The following PLCE1 variants were observed in gnomAD, a reference collection of about 807,000 sequenced individuals.
PLCE1 encodes the protein phospholipase C epsilon 1, also known as 1-phosphatidylinositol 4,5-bisphosphate phosphodiesterase epsilon-1.
A neutral mutation model predicts 242.8 loss-of-function variants in PLCE1; 119 were observed. The observed-to-expected ratio is 0.49, with a 90% CI of 0.42 to 0.57. The LOEUF is 0.57. Ranked by LOEUF, PLCE1 falls within the 20% of genes least tolerant of loss-of-function variation. The pLI is 0.00. For missense variants in PLCE1, 2,441 were observed against 2,788.8 expected, an observed-to-expected ratio of 0.88 and a Z score of 2.81; for synonymous variants, 945 against 1,017.4, an observed-to-expected ratio of 0.93 and a Z score of 1.35.
intron 1 of PLCE1, among the ~76,000 whole-genome samples, chr10:93,996,071 C>G (rs993349050): frequency 1.3e-5 from 2 of 152,282 alleles, no homozygotes; most frequent in Middle Eastern, 6.8e-3. Context: ...GTTTCCCATG[C>G]CTGGGCAAGA....
At chr10:94,259,240 C>G in intron 13 of PLCE1, 90 bp downstream of exon 13, 1 of 1,310,332 alleles carries the variant, frequency 7.6e-7, no homozygotes, top group Non-Finnish European at 1.1e-6. Flanking sequence ...TGAGCCTGTC[C>G]CACATAGTGT....
chr10:94,196,216 A>G (rs946991987), intron 4 of PLCE1, among the ~76,000 whole-genome samples: 2 of 152,176 alleles, frequency 1.3e-5, no homozygotes, highest in Non-Finnish European at 2.9e-5. Flanking sequence ...CCTCCTTGCT[A>G]TACACCTTCA....
In PLCE1 at chr10:94,284,728, T is replaced by C. The variant is rs991161272; in HGVS notation, c.4918-120T>C. On this transcript the variant is annotated intron_variant, in intron 21 of 32. Coordinates refer to ENST00000371380, the MANE Select transcript of PLCE1 (RefSeq NM_016341.4). ...CTGTTGGGACATGTATATGGATAAT[T>C]ACCATGCAAGGGGAAATACAGTAAT... 24 of 714,274 alleles carry C rather than the reference T, an allele frequency of 3.4e-5. No individual in the cohort carries two copies. In the African/African-American group the frequency reaches 3.5e-4, roughly 10 times the overall value. 44.2% of individuals were successfully genotyped at this position (714,274 alleles called of 1,614,324 possible). A position where few individuals can be genotyped will look rare whatever the true frequency, so the allele number is the denominator to read the frequency against.
intron 3 of PLCE1, among the ~76,000 whole-genome samples, chr10:94,156,031 C>T (rs988227808): frequency 2.0e-5 from 3 of 152,018 alleles, no homozygotes; most frequent in Non-Finnish European, 4.4e-5. Flanking sequence ...AATGTTTTAG[C>T]ATGAAAGAAT....
intron 11 of PLCE1, among the ~76,000 whole-genome samples, chr10:94,255,456 A>G (rs2051038904): frequency 6.6e-6 from 1 of 152,232 alleles, no homozygotes; most frequent in Non-Finnish European, 1.5e-5. Context: ...CAAAGAGTGT[A>G]GATAGAGAAC....
At chr10:93,994,841 A>G (rs1286504354) in intron 1 of PLCE1, among the ~76,000 whole-genome samples, 1 of 152,254 alleles carries the variant, frequency 6.6e-6, no homozygotes, top group Non-Finnish European at 1.5e-5. Context: ...CACTGAGTTC[A>G]GCCGACTTAA....
intron 3 of PLCE1, among the ~76,000 whole-genome samples, chr10:94,168,697 T>C (rs533821978): frequency 1.1e-4 from 17 of 152,350 alleles, no homozygotes; most frequent in Admixed American, 2.0e-4. Context: ...TCTTACATTA[T>C]TTGCATATTG....
chr10:94,017,681 T>C (rs1406269783), intron 1 of PLCE1, among the ~76,000 whole-genome samples: 1 of 152,224 alleles, frequency 6.6e-6, no homozygotes, highest in Non-Finnish European at 1.5e-5. Flanking sequence ...TTATATGACA[T>C]AATACTTATA....
At chr10:94,115,933 A>T (rs2046112957) in intron 2 of PLCE1, among the ~76,000 whole-genome samples, 1 of 152,160 alleles carries the variant, frequency 6.6e-6, no homozygotes, top group Non-Finnish European at 1.5e-5. Flanking sequence ...ATCCTTGGTC[A>T]TGCAAGAGAC....
At chr10:94,319,470 T>C (rs560946349) in intron 29 of PLCE1, among the ~76,000 whole-genome samples, 143 of 152,292 alleles carry the variant, frequency 9.4e-4, no homozygotes, top group Middle Eastern at 6.8e-3. Context: ...CTTCAGTTGC[T>C]CTCTGTGACC....
intron 3 of PLCE1, among the ~76,000 whole-genome samples, chr10:94,151,112 C>G (rs1221641247): frequency 6.6e-6 from 1 of 152,196 alleles, no homozygotes; most frequent in African/African-American, 2.4e-5. Flanking sequence ...CTCCCCCAGA[C>G]CTGTATAACT....
In PLCE1 at chr10:94,169,748, C is replaced by G. The variant is rs557968188; in HGVS notation, c.1493-1432C>G. ...TTAGATAATAGGAATTAGCACCCGCCCCATCACTAAGTAGCATAATTGTCA... is the reference window on the plus strand; with the variant it reads ...TTAGATAATAGGAATTAGCACCCGCGCCATCACTAAGTAGCATAATTGTCA... On this transcript the variant is annotated intron_variant, in intron 3 of 32. Coordinates refer to ENST00000371380, the MANE Select transcript of PLCE1 (RefSeq NM_016341.4). 2.0e-5 allele frequency among the ~76,000 whole-genome samples: 3 copies of G among 152,278 alleles called. No individual in the cohort carries two copies. In the East Asian group the frequency reaches 5.8e-4, roughly 29 times the overall value.
At chr10:94,065,925 T>C (rs1346760649) in intron 2 of PLCE1, among the ~76,000 whole-genome samples, 15 of 152,250 alleles carry the variant, frequency 9.9e-5, no homozygotes, top group Middle Eastern at 3.4e-3. Context: ...GGCACAAAAA[T>C]TGCTGTGTTA....
At chr10:94,152,102 G>A (rs1218840384) in intron 3 of PLCE1, among the ~76,000 whole-genome samples, 1 of 152,024 alleles carries the variant, frequency 6.6e-6, no homozygotes, top group Non-Finnish European at 1.5e-5. Flanking sequence ...GTTGGCCTAG[G>A]CAAAAAATTT....
intron 2 of PLCE1, chr10:94,100,263 T>G (rs2045478907): frequency 6.6e-6 from 1 of 152,160 alleles, no homozygotes; most frequent in South Asian, 2.1e-4. Context: ...CCTTCCATTC[T>G]CACCTCTATG....
intron 19 of PLCE1, among the ~76,000 whole-genome samples, chr10:94,275,332 A>G (rs531165373): frequency 6.6e-6 from 1 of 152,288 alleles, no homozygotes; most frequent in Admixed American, 6.5e-5. Context: ...CTGACAGGAT[A>G]TGGTTGCTAA....
Position 94,198,374 on chromosome 10 carries a change from T to C in PLCE1, c.1809+26878T>C, listed in dbSNP as rs143804682. ...TGGCAAATATGAATAAGTTGCTTAG[T>C]AGGTAATTAGCTTCTTTGAACCTTT... On this transcript the variant is annotated intron_variant, in intron 4 of 32. Transcript: ENST00000371380. Among the ~76,000 whole-genome samples, 627 of 152,366 alleles carry C rather than the reference T, an allele frequency of 4.1e-3. 9 individuals carry two copies. The highest frequency in any genetic ancestry group is 0.014 in the African/African-American group (601 of 41,584).
At chr10:94,167,410 C>T (rs1396937372) in intron 3 of PLCE1, among the ~76,000 whole-genome samples, 1 of 152,134 alleles carries the variant, frequency 6.6e-6, no homozygotes, top group African/African-American at 2.4e-5. Context: ...TTGTTTATGT[C>T]CTTTCCTAGG....
chr10:94,059,788 C>T (rs911397836), intron 2 of PLCE1, among the ~76,000 whole-genome samples: 3 of 152,174 alleles, frequency 2.0e-5, no homozygotes, highest in South Asian at 4.1e-4. Flanking sequence ...TTCAAAACAT[C>T]TGACATTTAT....
Sources: allele counts gnomAD v4.1 joint callset (sites outside exome capture counted in the v4.1 genomes callset), GRCh38; gene constraint gnomAD v4.1.1; transcripts MANE v1.5; gene names NCBI Gene and HGNC (gene_info 2026-07-23, HGNC 2026-07-21).